TMEM72: variants seen among roughly 807,000 people sequenced by gnomAD.
TMEM72 encodes kidney-specific secretory protein of 37 kDa.
A neutral mutation model predicts 16.3 loss-of-function variants in TMEM72; 9 were observed. The observed-to-expected ratio is 0.55, with a 90% confidence interval of 0.33 to 0.96. The LOEUF (loss-of-function observed/expected upper bound fraction) is 0.96, where lower values mean the gene tolerates loss of function less well. Ranked by LOEUF, TMEM72 falls within the 40% of genes least tolerant of loss-of-function variation. The pLI, the probability that TMEM72 is intolerant of heterozygous loss-of-function variation, is 0.03. For missense variants in TMEM72, 324 were observed against 337.8 expected (o/e 0.96, Z 0.32); for synonymous variants, 160 against 146.5 (o/e 1.09, Z -0.66).
At position 44,927,856 on chromosome 10, in the gene TMEM72, C is replaced by T. The variant is rs1297265646; in HGVS notation, c.71-65C>T. 6 of 1,560,656 alleles carry T rather than the reference C, an allele frequency of 3.8e-6. No individual in the cohort carries two copies. The African/African-American group carries it at 4.1e-5, about 11-fold the overall frequency. ...AGACTCACTCCACAGCCAAGGTACC[C>T]TCAACAGGGCAGTGCTGTGGTGTAG... On this transcript the variant is annotated intron_variant, in intron 1 of 4. Coordinates refer to ENST00000389583, the MANE Select transcript of TMEM72 (RefSeq NM_001123376.3).
At chr10:44,927,196 A>G (rs1017232217) in intron 1 of TMEM72, among the ~76,000 whole-genome samples, 5 of 152,170 alleles carry the variant, frequency 3.3e-5, no homozygotes, top group African/African-American at 9.7e-5. Flanking sequence ...CAATGTTTCT[A>G]TTGGGGACTC....
At chr10:44,930,593 C>T (rs1317125519) in intron 2 of TMEM72, among the ~76,000 whole-genome samples, 1 of 152,100 alleles carries the variant, frequency 6.6e-6, no homozygotes, top group Non-Finnish European at 1.5e-5. Context: ...TGGCCCATAG[C>T]AATCATTACA....
Position 44,934,944 on chromosome 10 carries a change from C to A in TMEM72, c.638C>A (p.Ala213Asp). The change falls in exon 5 of 5, where the codon GCC becomes GAC. Residue 213 changes from alanine (A) to aspartate (D), a missense_variant. Coordinates refer to ENST00000389583, the MANE Select transcript of TMEM72 (RefSeq NM_001123376.3). ...CTGATGGAGCTGAGCCTGGAGCCAG[C>A]CGACTCCCTGGCCAAGAAGAAGCAG... ...NTLMELSLEPADSLAKKKQVH... is the reference protein window; with the variant it reads ...NTLMELSLEPDDSLAKKKQVH... 1 of 1,613,866 alleles carries A rather than the reference C, an allele frequency of 6.2e-7. No individual in the cohort carries two copies. Among genetic ancestry groups the A allele is most frequent in the Non-Finnish European group, 8.5e-7 (1 of 1,179,914 alleles).
chr10:44,921,243 G>A (rs1840093702), intron 1 of TMEM72, among the ~76,000 whole-genome samples: 1 of 152,222 alleles, frequency 6.6e-6, no homozygotes, highest in Non-Finnish European at 1.5e-5. Flanking sequence ...CAGGGAGTGA[G>A]ACAGAGGCGT....
At chr10:44,930,514 T>C (rs529584109) in intron 2 of TMEM72, among the ~76,000 whole-genome samples, 4 of 152,316 alleles carry the variant, frequency 2.6e-5, no homozygotes, top group Non-Finnish European at 4.4e-5. Flanking sequence ...TAATATAATA[T>C]AGTACTTATT....
intron 1 of TMEM72, among the ~76,000 whole-genome samples, chr10:44,916,592 C>T (rs116640634): frequency 4.6e-5 from 7 of 152,254 alleles, no homozygotes; most frequent in African/African-American, 1.7e-4. Flanking sequence ...CCCATGACCA[C>T]CTCCTGCTGT....
intron 1 of TMEM72, among the ~76,000 whole-genome samples, chr10:44,922,161 C>T (rs1840110424): frequency 6.6e-6 from 1 of 152,158 alleles, no homozygotes; most frequent in African/African-American, 2.4e-5. Context: ...TGAAACCTGG[C>T]AGAAACCTAA....
intron 3 of TMEM72, among the ~76,000 whole-genome samples, chr10:44,933,073 G>A (rs1312851042): frequency 1.3e-5 from 2 of 152,270 alleles, no homozygotes; most frequent in African/African-American, 4.8e-5. Flanking sequence ...CATGGAGGCA[G>A]CGCCCCTGAA....
intron 1 of TMEM72, among the ~76,000 whole-genome samples, chr10:44,914,851 G>T (rs1193776370): frequency 6.6e-6 from 1 of 152,216 alleles, no homozygotes; most frequent in Non-Finnish European, 1.5e-5. Context: ...GGAAAGCAGG[G>T]TTGGCTTCCC....
Position 44,935,428 on chromosome 10 carries a change from G to A in TMEM72, c.*294G>A, listed in dbSNP as rs949768480. On this transcript the variant is annotated 3_prime_UTR_variant, in exon 5 of 5. Transcript: ENST00000389583. ...CAAGACCATCACTGCCACTGCGCAC[G>A]AGGCTGCAGGTGCCATTGACTCAGC... The A allele has an allele frequency of 8.2e-5, 29 of 354,096 alleles. No individual in the cohort carries two copies. Among genetic ancestry groups the A allele is most frequent in the African/African-American group, 4.2e-4 (20 of 47,966 alleles). 21.9% of individuals were successfully genotyped at this position (354,096 alleles called of 1,614,324 possible). A position where few individuals can be genotyped will look rare whatever the true frequency, so the allele number is the denominator to read the frequency against.
chr10:44,927,449 A>G (rs1221686134), intron 1 of TMEM72, among the ~76,000 whole-genome samples: 1 of 128,022 alleles, frequency 7.8e-6, no homozygotes, highest in Non-Finnish European at 1.7e-5. Flanking sequence ...ATGAGCAATG[A>G]GTGTGACCTG....
intron 3 of TMEM72, among the ~76,000 whole-genome samples, chr10:44,932,525 A>G (rs1840316455): frequency 6.6e-6 from 1 of 152,142 alleles, no homozygotes; most frequent in Non-Finnish European, 1.5e-5. Flanking sequence ...GTGGGGCAGG[A>G]GTGCAGACCC....
intron 1 of TMEM72, among the ~76,000 whole-genome samples, chr10:44,921,359 G>A (rs1840095885): frequency 1.3e-5 from 2 of 151,958 alleles, no homozygotes; most frequent in African/African-American, 4.8e-5. Context: ...AGGAGTCAAA[G>A]GCCACTAATG....
intron 1 of TMEM72, among the ~76,000 whole-genome samples, chr10:44,918,434 A>C (rs945200883): frequency 2.6e-5 from 4 of 152,182 alleles, no homozygotes; most frequent in African/African-American, 9.7e-5. Flanking sequence ...TATTCCACAC[A>C]AACTCTTCCA....
At chr10:44,912,637 G>A (rs1439345780) in intron 1 of TMEM72, among the ~76,000 whole-genome samples, 2 of 152,188 alleles carry the variant, frequency 1.3e-5, no homozygotes, top group African/African-American at 4.8e-5. Context: ...CTGTATGATG[G>A]GGACCTGCTG....
chr10:44,913,347 G>C (rs1839964880), intron 1 of TMEM72, among the ~76,000 whole-genome samples: 1 of 152,126 alleles, frequency 6.6e-6, no homozygotes, highest in Non-Finnish European at 1.5e-5. Context: ...GCTGTTCTAA[G>C]ATGTATGTAC....
intron 2 of TMEM72, among the ~76,000 whole-genome samples, chr10:44,929,846 T>C (rs1196522196): frequency 6.6e-6 from 1 of 152,250 alleles, no homozygotes; most frequent in East Asian, 1.9e-4. Context: ...GCCCAATGCC[T>C]GACACTCCTT....
At chr10:44,917,032 G>A (rs531653892) in intron 1 of TMEM72, among the ~76,000 whole-genome samples, 3 of 152,224 alleles carry the variant, frequency 2.0e-5, no homozygotes, top group Admixed American at 2.0e-4. Flanking sequence ...TGCATCCCCA[G>A]TCCTGAGTCC....
intron 2 of TMEM72, among the ~76,000 whole-genome samples, chr10:44,929,154 T>TC (rs1055943675): frequency 2.0e-5 from 3 of 151,606 alleles, no homozygotes; most frequent in Non-Finnish European, 4.4e-5. Context: ...ACCCTTTTTT[T>TC]CCCCAGACAA....
Sources: gnomAD v4.1 joint callset for allele counts (sites outside exome capture counted in the v4.1 genomes callset) on GRCh38, gnomAD v4.1.1 for gene constraint, MANE v1.5 for transcripts, NCBI Gene and HGNC (gene_info 2026-07-23, HGNC 2026-07-21) for gene names.